TEX29: variants seen among roughly 807,000 people sequenced by gnomAD.
TEX29 encodes testis expressed 29, also known as testis-expressed protein 29.
In TEX29, 26 loss-of-function variants were observed where a neutral mutation model predicts 18.2. The ratio of observed to expected loss-of-function variants is 1.43; its 90% CI spans 1.04 to 1.98. The LOEUF (loss-of-function observed/expected upper bound fraction) is 1.98. TEX29 is among the 30% of genes most tolerant of loss of function. The probability of loss-of-function intolerance (pLI) is 0.00; values close to 1 mark genes in which losing one functional copy is unlikely to be tolerated. For synonymous variants in TEX29, 83 were observed against 78.5 expected, an observed-to-expected ratio of 1.06 and a Z score of -0.31; for missense variants, 177 against 194.2, an observed-to-expected ratio of 0.91 and a Z score of 0.53.
chr13:111,322,739 G>A lies in TEX29; in HGVS notation c.58+1791G>A, dbSNP rs561430828. Among the ~76,000 whole-genome samples, 9 of 152,356 alleles carry A rather than the reference G, an allele frequency of 5.9e-5. No individual in the cohort carries two copies. In the East Asian group the frequency reaches 9.6e-4, roughly 16 times the overall value. ...TGAACTGAAGAACGCATGCAGGGGC[G>A]TCAGCATTGTCTTTATCATTCTTTG... On this transcript the variant is annotated intron_variant, in intron 2 of 5. Transcript: ENST00000283547.
At chr13:111,329,836 T>C (rs915473544) in intron 3 of TEX29, among the ~76,000 whole-genome samples, 7 of 152,152 alleles carry the variant, frequency 4.6e-5, no homozygotes, top group Admixed American at 3.3e-4. Context: ...GTCATCATCT[T>C]GATGGCTGGT....
upstream of TEX29, chr13:111,320,572 C>T (rs2093662236): frequency 2.2e-5 from 10 of 454,310 alleles, no homozygotes; most frequent in South Asian, 1.7e-4. Flanking sequence ...GTGACGCCCA[C>T]GTGACCTCAT....
chr13:111,328,392 T>C (rs1471788493), intron 3 of TEX29, 99 bp downstream of exon 3: 3 of 792,890 alleles, frequency 3.8e-6, no homozygotes, highest in Non-Finnish European at 6.5e-6. Flanking sequence ...GGTCTCTGTT[T>C]GCTGGAAACA....
At chr13:111,328,437 C>A in intron 3 of TEX29, 144 bp downstream of exon 3, 1 of 638,738 alleles carries the variant, frequency 1.6e-6, no homozygotes. Flanking sequence ...TCTTCTGCTC[C>A]GTCTTAGTGG....
intron 2 of TEX29, among the ~76,000 whole-genome samples, chr13:111,324,125 C>T (rs539409777): frequency 9.8e-5 from 15 of 152,286 alleles, no homozygotes; most frequent in South Asian, 2.1e-4. Flanking sequence ...TGGTGGCAAT[C>T]GTGACCGCAG....
At chr13:111,334,423 G>A (rs2093686820) in intron 3 of TEX29, among the ~76,000 whole-genome samples, 1 of 152,240 alleles carries the variant, frequency 6.6e-6, no homozygotes, top group Admixed American at 6.5e-5. Context: ...GCGTGCTGAG[G>A]CACACCTTCA....
At position 111,320,858 on chromosome 13, in the gene TEX29, T is replaced by G; in HGVS notation, c.-33T>G. 1 of 1,613,330 alleles carries G rather than the reference T, an allele frequency of 6.2e-7. No individual in the cohort carries two copies. On this transcript the variant is annotated splice_region_variant and 5_prime_UTR_variant, in exon 2 of 6. Transcript: ENST00000283547. ...GTGCTGACCTCTCCTGTTTTCCAGG[T>G]GTGCTCGGCCCCTTCATCTGTCAGC...
At chr13:111,330,300 G>A (rs2093680723) in intron 3 of TEX29, among the ~76,000 whole-genome samples, 3 of 152,200 alleles carry the variant, frequency 2.0e-5, no homozygotes, top group South Asian at 4.1e-4. Context: ...TTGCTCCAGA[G>A]AGGGTGTCTG....
chr13:111,324,109 G>A (rs1490056225), intron 2 of TEX29, among the ~76,000 whole-genome samples: 3 of 152,312 alleles, frequency 2.0e-5, no homozygotes, highest in Admixed American at 2.0e-4. Context: ...AAGGTCCTGG[G>A]GGTGCTGGTG....
chr13:111,321,655 G>T (rs576096833), intron 2 of TEX29, among the ~76,000 whole-genome samples: 2 of 152,124 alleles, frequency 1.3e-5, no homozygotes, highest in African/African-American at 4.8e-5. Context: ...TCGGATGGGC[G>T]TGGTGGCCTG....
chr13:111,330,497 A>C lies in TEX29; in HGVS notation c.169+2204A>C, dbSNP rs550618420. 2.0e-4 allele frequency among the ~76,000 whole-genome samples: 31 copies of C among 152,352 alleles called. No individual in the cohort carries two copies. The South Asian group carries it at 6.2e-3, about 31-fold the overall frequency. On this transcript the variant is annotated intron_variant, in intron 3 of 5. Transcript: ENST00000283547. ...CCTCGCTGTCCCAGCCTCCACTTCCAGGAGCCTCTGGGATTCCCAGGATCT... is the reference window on the plus strand; with the variant it reads ...CCTCGCTGTCCCAGCCTCCACTTCCCGGAGCCTCTGGGATTCCCAGGATCT...
At chr13:111,317,767 G>T (rs1272500714), upstream of TEX29, among the ~76,000 whole-genome samples, 1 of 152,160 alleles carries the variant, frequency 6.6e-6, no homozygotes, top group African/African-American at 2.4e-5. Context: ...GGGCCCTCCT[G>T]CCCCTCCCAC....
chr13:111,328,314 C>A, intron 3 of TEX29, 21 bp downstream of exon 3: 1 of 1,569,536 alleles, frequency 6.4e-7, no homozygotes, highest in Non-Finnish European at 8.8e-7. Flanking sequence ...GCCCCGGCCA[C>A]CCCGTGGCGG....
chr13:111,328,215 T>C lies in TEX29; in HGVS notation c.91T>C (p.Tyr31His). ...CDVPLYDICD[Y>H]NVSRDRCQEL... is the part of the protein sequence containing the mutation. ...CGTTCCTCTGTATGACATTTGTGACTACAACGTCTCCAGGGACCGATGCCA... is the reference window on the plus strand; with the variant it reads ...CGTTCCTCTGTATGACATTTGTGACCACAACGTCTCCAGGGACCGATGCCA... The change falls in exon 3 of 6, where the codon TAC becomes CAC. Residue 31 changes from tyrosine (Y) to histidine (H), a missense_variant. Transcript: ENST00000283547. 1 of 1,613,908 alleles carries C rather than the reference T, an allele frequency of 6.2e-7. No individual in the cohort carries two copies. The highest frequency in any genetic ancestry group is 8.5e-7 in the Non-Finnish European group (1 of 1,179,870).
intron 1 of TEX29, 43 bp from the exon 2 acceptor site, chr13:111,320,814 C>T (rs754726334): frequency 1.6e-5 from 26 of 1,589,944 alleles, no homozygotes; most frequent in Admixed American, 6.7e-5. Context: ...CCCCAAACGA[C>T]GTCCCCAGGG....
chr13:111,334,204 G>A (rs1010776311), intron 3 of TEX29, among the ~76,000 whole-genome samples: 1 of 152,148 alleles, frequency 6.6e-6, no homozygotes, highest in African/African-American at 2.4e-5. Flanking sequence ...TAGCACCTCT[G>A]AGAATCGGGT....
At chr13:111,336,523 T>A (rs1165897419) in intron 3 of TEX29, among the ~76,000 whole-genome samples, 1 of 151,832 alleles carries the variant, frequency 6.6e-6, no homozygotes, top group African/African-American at 2.4e-5. Flanking sequence ...ATTAGATCTT[T>A]CAGAAAGAAT....
rs145813336 is a variant in TEX29 at position 111,338,848 on chromosome 13, G to T, written c.170-1015G>T. 6.2e-4 allele frequency among the ~76,000 whole-genome samples: 95 copies of T among 152,328 alleles called. No homozygotes were observed. In the East Asian group the frequency reaches 0.018, roughly 28 times the overall value. On this transcript the variant is annotated intron_variant, in intron 3 of 5. Coordinates refer to ENST00000283547, the MANE Select transcript of TEX29 (RefSeq NM_152324.3). The stretch of plus-strand genomic sequence containing the variant: ...ACATAGAAGAACAAACAGTAGATGA[G>T]GATATTATTTGACCAAGGACTCTGA...
upstream of TEX29, among the ~76,000 whole-genome samples, chr13:111,316,626 G>A (rs2093655096): frequency 6.6e-6 from 1 of 152,252 alleles, no homozygotes; most frequent in African/African-American, 2.4e-5. Context: ...TGAGAACAGA[G>A]TGAAACCAGT....
Sources: gnomAD v4.1 joint callset for allele counts (sites outside exome capture counted in the v4.1 genomes callset) on GRCh38, gnomAD v4.1.1 for gene constraint, MANE v1.5 for transcripts, NCBI Gene and HGNC (gene_info 2026-07-23, HGNC 2026-07-21) for gene names.